The following NEGR1 variants were observed in gnomAD, a reference collection of about 807,000 sequenced individuals.
NEGR1 encodes IgLON family member 4.
A neutral mutation model predicts 40.9 loss-of-function variants in NEGR1; 10 were observed. The observed-to-expected ratio is 0.24, with a 90% confidence interval of 0.15 to 0.42. NEGR1 has a LOEUF of 0.42. Ranked by LOEUF, NEGR1 falls within the 10% of genes least tolerant of loss-of-function variation. The pLI is 1.00. For missense variants in NEGR1, 352 were observed against 438.9 expected, an observed-to-expected ratio of 0.80 and a Z score of 1.77; for synonymous variants, 185 against 166.8, an observed-to-expected ratio of 1.11 and a Z score of -0.84.
At chr1:71,988,313 G>A (rs913381890) in intron 1 of NEGR1, among the ~76,000 whole-genome samples, 1 of 152,116 alleles carries the variant, frequency 6.6e-6, no homozygotes, top group Non-Finnish European at 1.5e-5. Flanking sequence ...GCCGAGGCGG[G>A]TGGATTATGA....
intron 1 of NEGR1, among the ~76,000 whole-genome samples, chr1:71,986,482 C>T (rs1304857568): frequency 6.6e-6 from 1 of 152,198 alleles, no homozygotes; most frequent in African/African-American, 2.4e-5. Context: ...CCTTCTACAA[C>T]TATTCTGCTA....
At chr1:71,568,355 T>A (rs1389235213) in intron 6 of NEGR1, among the ~76,000 whole-genome samples, 1 of 152,152 alleles carries the variant, frequency 6.6e-6, no homozygotes, top group African/African-American at 2.4e-5. Context: ...TGAGCCCTGT[T>A]TCTGTTCTTT....
chr1:72,173,223 G>T (rs1570077986), intron 1 of NEGR1, among the ~76,000 whole-genome samples: 1 of 150,476 alleles, frequency 6.6e-6, no homozygotes, highest in South Asian at 2.1e-4. Context: ...GCCCAGAATG[G>T]TCTCAAACTC....
intron 1 of NEGR1, among the ~76,000 whole-genome samples, chr1:72,035,851 A>G (rs902059517): frequency 6.6e-6 from 1 of 152,188 alleles, no homozygotes; most frequent in Non-Finnish European, 1.5e-5. Flanking sequence ...AGAAGTTAAA[A>G]TGCTCTGGAA....
chr1:72,104,691 T>C (rs2821250), intron 1 of NEGR1, among the ~76,000 whole-genome samples: 149,603 of 152,244 alleles, frequency 0.98, 73,573 homozygotes, highest in Middle Eastern at 1. Flanking sequence ...ACATCCACAA[T>C]TAATTTGATA....
At position 71,667,200 on chromosome 1, in the gene NEGR1, G is replaced by T. The variant is rs114669539; in HGVS notation, c.667+30808C>A. On this transcript the variant is annotated intron_variant, in intron 4 of 6. Coordinates refer to ENST00000357731, the MANE Select transcript of NEGR1 (RefSeq NM_173808.3). ...TAATTTATTCCTTGGTAGGTGTAAG[G>T]TTAGAAACACAAGAGTTTAGTCTTC... Among the ~76,000 whole-genome samples, 1,030 of 152,250 alleles carry T rather than the reference G, an allele frequency of 6.8e-3. 12 individuals are homozygous for T. The highest frequency in any genetic ancestry group is 0.023 in the African/African-American group (966 of 41,534).
At chr1:71,459,100 C>T (rs1446293852) in intron 6 of NEGR1, among the ~76,000 whole-genome samples, 2 of 152,008 alleles carry the variant, frequency 1.3e-5, no homozygotes, top group African/African-American at 2.4e-5. Context: ...TTGCTTTAAA[C>T]ATCTTTCTTT....
chr1:71,425,200 T>C (rs986480488), intron 6 of NEGR1, among the ~76,000 whole-genome samples: 6 of 152,206 alleles, frequency 3.9e-5, no homozygotes, highest in African/African-American at 1.4e-4. Flanking sequence ...CACAGTGGGC[T>C]GGAATATTCT....
In NEGR1 at chr1:72,126,889, C is replaced by T. The variant is rs539884196; in HGVS notation, c.176+155430G>A. ...GATCCCACAACTTAGAAAACACCAT[C>T]TTATAAAAGGTATTTCTGCTCAACA... is the stretch of plus-strand genomic sequence containing the variant. On this transcript the variant is annotated intron_variant, in intron 1 of 6. Transcript: ENST00000357731. Among the ~76,000 whole-genome samples the T allele has an allele frequency of 2.0e-5, 3 of 152,294 alleles. No individual in the cohort carries two copies. The South Asian group carries it at 6.2e-4, about 32-fold the overall frequency.
intron 1 of NEGR1, among the ~76,000 whole-genome samples, chr1:72,197,839 A>C (rs577447378): frequency 1.3e-5 from 2 of 152,218 alleles, no homozygotes; most frequent in East Asian, 3.9e-4. Flanking sequence ...TGATTTAAAA[A>C]CAAAATAAGA....
At chr1:71,991,097 C>A (rs2100358285) in intron 1 of NEGR1, among the ~76,000 whole-genome samples, 1 of 152,006 alleles carries the variant, frequency 6.6e-6, no homozygotes, top group South Asian at 2.1e-4. Flanking sequence ...TTTCTTTATT[C>A]CCTGCTCAAC....
chr1:71,903,456 T>C (rs991249306), intron 2 of NEGR1, among the ~76,000 whole-genome samples: 5 of 151,986 alleles, frequency 3.3e-5, no homozygotes, highest in African/African-American at 1.2e-4. Context: ...GTAATGATAG[T>C]ATTTTAACTA....
chr1:72,242,622 T>C (rs971521033), intron 1 of NEGR1, among the ~76,000 whole-genome samples: 49 of 151,762 alleles, frequency 3.2e-4, no homozygotes, highest in African/African-American at 1.2e-3. Flanking sequence ...ATATTATATA[T>C]AAAGTATACT....
At chr1:72,084,810 A>G (rs1386860854) in intron 1 of NEGR1, among the ~76,000 whole-genome samples, 1 of 152,218 alleles carries the variant, frequency 6.6e-6, no homozygotes, top group Admixed American at 6.5e-5. Context: ...GGAAAAATGA[A>G]AAGAAAAACT....
At chr1:72,110,221 T>TAAAAAAAAAAAAAAAAAAAAAAAA (rs57618301) in intron 1 of NEGR1, among the ~76,000 whole-genome samples, 2 of 106,988 alleles carry the variant, frequency 1.9e-5, no homozygotes, top group Non-Finnish European at 3.9e-5. Flanking sequence ...TAGAGTATAA[T>TAAAAAAAAAAAAAAAAAAAAAAAA]AAAAAAAAAA....
At position 71,859,420 on chromosome 1, in the gene NEGR1, T is replaced by G. The variant is rs148146405; in HGVS notation, c.409+75659A>C. 2.3e-3 allele frequency among the ~76,000 whole-genome samples: 356 copies of G among 152,206 alleles called. 1 individual carries two copies. The highest frequency in any genetic ancestry group is 8.0e-3 in the African/African-American group (334 of 41,542). The stretch of plus-strand genomic sequence containing the variant: ...CTCTCTAAAACACATCCTATTCCTC[T>G]TCCACTTCCTGGATTTACTTTTATT... On this transcript the variant is annotated intron_variant, in intron 2 of 6. Coordinates refer to ENST00000357731, the MANE Select transcript of NEGR1 (RefSeq NM_173808.3).
intron 1 of NEGR1, among the ~76,000 whole-genome samples, chr1:72,071,452 T>A (rs1334612869): frequency 6.6e-6 from 1 of 152,100 alleles, no homozygotes; most frequent in African/African-American, 2.4e-5. Context: ...GTACTTTTCT[T>A]TCAATAATCT....
At chr1:71,697,732 T>C (rs1570225139) in intron 4 of NEGR1, among the ~76,000 whole-genome samples, 1 of 151,746 alleles carries the variant, frequency 6.6e-6, no homozygotes, top group Non-Finnish European at 1.5e-5. Flanking sequence ...GCTTTTGAGG[T>C]AAGGACACCA....
At chr1:71,566,984 G>A (rs1570041309) in intron 6 of NEGR1, among the ~76,000 whole-genome samples, 1 of 151,928 alleles carries the variant, frequency 6.6e-6, no homozygotes, top group African/African-American at 2.4e-5. Flanking sequence ...CCTCCCAAAG[G>A]GCCTACTCCT....
Sources: gnomAD v4.1 joint callset for allele counts (sites outside exome capture counted in the v4.1 genomes callset) on GRCh38, gnomAD v4.1.1 for gene constraint, MANE v1.5 for transcripts, NCBI Gene and HGNC (gene_info 2026-07-23, HGNC 2026-07-21) for gene names.